Variants in ZNF646 observed in about 807,000 individuals in gnomAD.
ZNF646 encodes zinc finger protein 646.
Under a neutral mutation model 115.4 loss-of-function variants are expected in ZNF646, and 49 were observed. The observed-to-expected ratio is 0.42, with a 90% confidence interval of 0.34 to 0.54. The LOEUF (loss-of-function observed/expected upper bound fraction) is 0.54. Ranked by LOEUF, ZNF646 falls within the 20% of genes least tolerant of loss-of-function variation. The probability of loss-of-function intolerance (pLI) is 0.04; values close to 1 mark genes in which losing one functional copy is unlikely to be tolerated. For synonymous variants in ZNF646, 933 were observed against 939.0 expected (o/e 0.99, Z 0.12); for missense variants, 2,269 against 2,457.9 (o/e 0.92, Z 1.62).
Position 31,076,470 on chromosome 16 carries a change from G to T in ZNF646, c.146G>T (p.Arg49Leu), listed in dbSNP as rs200254650. 3.1e-6 allele frequency: 5 copies of T among 1,613,944 alleles called. No individual in the cohort carries two copies. The highest frequency in any genetic ancestry group is 4.2e-6 in the Non-Finnish European group (5 of 1,179,994). Reference sequence around the variant, plus strand: ...GCTGACAGCATCCCTCGGCCCTACCGTTGTCAGCAGTGTGGGCGGGGCTAC... The same window carrying T: ...GCTGACAGCATCCCTCGGCCCTACCTTTGTCAGCAGTGTGGGCGGGGCTAC... ...EEADSIPRPYRCQQCGRGYRH... is the reference protein window; with the variant it reads ...EEADSIPRPYLCQQCGRGYRH... Residue 49 changes from arginine to leucine, a missense_variant, in exon 2 of 3, where the codon CGT (arginine) becomes CTT (leucine). Coordinates refer to ENST00000300850, the MANE Select transcript of ZNF646 (RefSeq NM_014699.4).
At chr16:31,073,515 G>T (rs868181712), upstream of ZNF646, 1 of 152,080 alleles carries the variant, frequency 6.6e-6, no homozygotes, top group Non-Finnish European at 1.5e-5. Context: ...GCCCGGGGCC[G>T]CTCACAGCCC....
rs781772598 is a variant in ZNF646 at position 31,077,096 on chromosome 16, C to T, written c.772C>T (p.Arg258Cys). ...GCACGCCGGGAGCCTCACCAACCACCGCCAGAGCCACACGCTGGGCATCTA... is the reference window on the plus strand; with the variant it reads ...GCACGCCGGGAGCCTCACCAACCACTGCCAGAGCCACACGCTGGGCATCTA... ...YKHAGSLTNHRQSHTLGIYPC... is the reference protein window; with the variant it reads ...YKHAGSLTNHCQSHTLGIYPC... Residue 258 changes from arginine to cysteine, a missense_variant, in exon 2 of 3, where the codon CGC becomes TGC. Arg to Cys is a radical substitution (Grantham distance 180). This residue lies in a region of ZNF646 where 19 missense variants were observed against 44.9 expected (regional missense o/e 0.42). Transcript: ENST00000300850. The T allele has an allele frequency of 1.7e-5, 28 of 1,614,062 alleles. No homozygotes were observed. The highest frequency in any genetic ancestry group is 1.6e-4 in the Middle Eastern group (1 of 6,084).
At position 31,080,423 on chromosome 16, in the gene ZNF646, G is replaced by A. The variant is rs141578783; in HGVS notation, c.4099G>A (p.Ala1367Thr). 1.1e-3 allele frequency: 1,712 copies of A among 1,613,064 alleles called. 3 individuals carry two copies. Among genetic ancestry groups the A allele is most frequent in the Non-Finnish European group, 1.3e-3 (1,589 of 1,179,940 alleles). The change falls in exon 2 of 3, where the codon GCC (alanine) becomes ACC (threonine). Residue 1367 changes from alanine to threonine, a missense_variant. By Grantham distance (58) the Ala-to-Thr change is moderately conservative. Transcript: ENST00000300850. ...GRSRRTAVRC[A>T]LCGRSFPGRG... ...GTCCAGGCGCACAGCTGTGCGTTGC[G>A]CCCTCTGTGGCCGCAGCTTCCCTGG...
At chr16:31,082,134 G>C (rs1485698658) in intron 2 of ZNF646, 1 of 243,992 alleles carries the variant, frequency 4.1e-6, no homozygotes, top group Non-Finnish European at 8.4e-6. Context: ...CCTGGAGCAG[G>C]CCGGGTGCCA....
chr16:31,076,714 G>C lies in ZNF646; in HGVS notation c.390G>C (p.Arg130Ser). 6.2e-7 allele frequency: 1 copy of C among 1,613,674 alleles called. No individual in the cohort carries two copies. Among genetic ancestry groups the C allele is most frequent in the Non-Finnish European group, 8.5e-7 (1 of 1,180,032 alleles). Residue 130 changes from arginine (R) to serine (S), a missense_variant, in exon 2 of 3, where the codon AGG becomes AGC. Coordinates refer to ENST00000300850, the MANE Select transcript of ZNF646 (RefSeq NM_014699.4). The stretch of plus-strand genomic sequence containing the variant: ...TGTCCACTGACTCCTGGGGCCAAAG[G>C]CTTGGCTCTAGTGAAGGCTGGGAAA... ...ETVSTDSWGQ[R>S]LGSSEGWENQ...
chr16:31,078,508 C>T lies in ZNF646; in HGVS notation c.2184C>T (p.Asp728=), dbSNP rs1028976512. 2 of 1,592,762 alleles carry T rather than the reference C, an allele frequency of 1.3e-6. No individual in the cohort carries two copies. The highest frequency in any genetic ancestry group is 1.7e-6 in the Non-Finnish European group (2 of 1,166,896). ...GAEGNLESDG[D]CLQAESEGDK... ...AAGGCAACCTGGAAAGTGATGGGGACTGTTTGCAGGCTGAATCTGAAGGGG... is the reference window on the plus strand; with the variant it reads ...AAGGCAACCTGGAAAGTGATGGGGATTGTTTGCAGGCTGAATCTGAAGGGG... Residue 728 remains aspartate (D), a synonymous_variant, in exon 2 of 3, where the codon GAC becomes GAT. Transcript: ENST00000300850.
At position 31,077,989 on chromosome 16, in the gene ZNF646, G is replaced by A. The variant is rs1282805440; in HGVS notation, c.1665G>A (p.Val555=). The change falls in exon 2 of 3, where the codon GTG becomes GTA. Residue 555 remains valine (V), a synonymous_variant. Transcript: ENST00000300850. ...CCCCGCACACAGATCAGGACCATGT[G>A]TGCAAACATGAAGAAGAGGCCACGG... ...EAAPHTDQDH[V]CKHEEEATDI... is the part of the protein sequence containing the mutation. The A allele has an allele frequency of 6.2e-7, 1 of 1,614,076 alleles. No homozygotes were observed. Among genetic ancestry groups the A allele is most frequent in the Admixed American group, 1.7e-5 (1 of 60,024 alleles).
At chr16:31,075,119 TAAGAGAGGA>T (rs1209554254) in intron 1 of ZNF646, among the ~76,000 whole-genome samples, 1 of 151,884 alleles carries the variant, frequency 6.6e-6, no homozygotes, top group Non-Finnish European at 1.5e-5. Context: ...TCATCAGTAT[TAAGAGAGGA>T]GGCAGAAGAA....
In ZNF646 at chr16:31,083,812, G is replaced by A. The variant is rs1177457315; in HGVS notation, c.*720G>A. On this transcript the variant is annotated 3_prime_UTR_variant, in exon 3 of 3. Coordinates refer to ENST00000300850, the MANE Select transcript of ZNF646 (RefSeq NM_014699.4). ...CTGTCAGCAGCTGGTTGGTTGGCCTGTGGGGAAGGAAGGAGGGTGGAGTTG... is the reference window on the plus strand; with the variant it reads ...CTGTCAGCAGCTGGTTGGTTGGCCTATGGGGAAGGAAGGAGGGTGGAGTTG... 1.2e-6 allele frequency: 2 copies of A among 1,614,032 alleles called. No homozygotes were observed. Among genetic ancestry groups the A allele is most frequent in the South Asian group, 1.1e-5 (1 of 91,080 alleles).
At chr16:31,073,899 G>A (rs552113697), upstream of ZNF646, 1 of 152,366 alleles carries the variant, frequency 6.6e-6, no homozygotes, top group South Asian at 2.1e-4. Context: ...GTGTGCTGAG[G>A]CAAGGGGACG....
upstream of ZNF646, chr16:31,074,407 C>A (rs547520562): frequency 6.6e-6 from 1 of 152,406 alleles, no homozygotes; most frequent in East Asian, 1.9e-4. Flanking sequence ...CACCTAAGGA[C>A]ACTTCCTGTT....
In ZNF646 at chr16:31,077,301, A is replaced by G. The variant is rs2057090283; in HGVS notation, c.977A>G (p.Glu326Gly). The G allele has an allele frequency of 6.2e-7, 1 of 1,613,742 alleles. No homozygotes were observed. Among genetic ancestry groups the G allele is most frequent in the Non-Finnish European group, 8.5e-7 (1 of 1,179,928 alleles). Residue 326 changes from glutamate to glycine, a missense_variant, in exon 2 of 3, where the codon GAG (glutamate) becomes GGG (glycine). Glu to Gly is a moderately conservative substitution (Grantham distance 98). Around this residue, in one of 5 missense-constraint regions of ZNF646, gnomAD observed 852 missense variants for 900.2 expected, o/e 0.95. Coordinates refer to ENST00000300850, the MANE Select transcript of ZNF646 (RefSeq NM_014699.4). ...GGTGAAAGGCAGGAGCCACGCTGGG[A>G]GGAGAAAGGGATGCCCACCACCAAT... is the stretch of plus-strand genomic sequence containing the variant. ...HEGERQEPRW[E>G]EKGMPTTNGH...
rs746754247 is a variant in ZNF646, at chr16:31,081,626, C to T, written c.5302C>T (p.Arg1768Cys). 2.4e-5 allele frequency: 38 copies of T among 1,608,568 alleles called. No individual in the cohort carries two copies. The highest frequency in any genetic ancestry group is 6.6e-5 in the South Asian group (6 of 90,760). ...EGPFTCPHCPRHFRRRISFVQ... is the reference protein window; with the variant it reads ...EGPFTCPHCPCHFRRRISFVQ... ...GCCTTTCACCTGCCCCCATTGTCCC[C>T]GCCACTTCCGCCGCCGAATCAGCTT... The change falls in exon 2 of 3, where the codon CGC (arginine) becomes TGC (cysteine). Residue 1768 changes from arginine to cysteine, a missense_variant. By Grantham distance (180) the Arg-to-Cys change is radical (BLOSUM62 -3). Coordinates refer to ENST00000300850, the MANE Select transcript of ZNF646 (RefSeq NM_014699.4).
chr16:31,080,528 G>A lies in ZNF646; in HGVS notation c.4204G>A (p.Gly1402Ser), dbSNP rs2057142418. Residue 1402 changes from glycine to serine, a missense_variant, in exon 2 of 3, where the codon GGC becomes AGC. Physicochemically the swap from Gly to Ser is moderately conservative, Grantham distance 56. Transcript: ENST00000300850. ...EPANGQGGLD[G>S]TAASEANLTG... is the part of the protein sequence containing the mutation. Reference sequence around the variant, plus strand: ...AGCCAATGGCCAGGGAGGCCTGGATGGCACAGCGGCCAGTGAGGCGAACCT... The same window carrying A: ...AGCCAATGGCCAGGGAGGCCTGGATAGCACAGCGGCCAGTGAGGCGAACCT... 5 of 1,613,932 alleles carry A rather than the reference G, an allele frequency of 3.1e-6. No homozygotes were observed. In the East Asian group the frequency reaches 1.1e-4, roughly 36 times the overall value.
rs771681778 is a variant in ZNF646 at position 31,076,560 on chromosome 16, C to A, written c.236C>A (p.Thr79Asn). Residue 79 changes from threonine to asparagine, a missense_variant, in exon 2 of 3, where the codon ACC becomes AAC. Physicochemically the swap from Thr to Asn is moderately conservative, Grantham distance 65 (BLOSUM62 0). Coordinates refer to ENST00000300850, the MANE Select transcript of ZNF646 (RefSeq NM_014699.4). ...THETGLFPCTTCGKDFSNPMA... is the reference protein window; with the variant it reads ...THETGLFPCTNCGKDFSNPMA... ...GAGACTGGCCTTTTCCCCTGTACCA[C>A]CTGTGGCAAGGACTTCTCCAATCCC... The A allele has an allele frequency of 6.2e-7, 1 of 1,612,278 alleles. No individual in the cohort carries two copies. Among genetic ancestry groups the A allele is most frequent in the South Asian group, 1.1e-5 (1 of 91,034 alleles).
chr16:31,080,568 G>A lies in ZNF646; in HGVS notation c.4244G>A (p.Gly1415Glu). The change falls in exon 2 of 3, where the codon GGA becomes GAA. Residue 1415 changes from glycine to glutamate, a missense_variant. By Grantham distance (98) the Gly-to-Glu change is moderately conservative (BLOSUM62 -2). Transcript: ENST00000300850. ...ASEANLTGSQ[G>E]LETQLGGAEP... ...GAGGCGAACCTGACTGGCAGCCAGG[G>A]ACTAGAGACCCAATTGGGTGGTGCT... 6.2e-7 allele frequency: 1 copy of A among 1,614,116 alleles called. No homozygotes were observed. The highest frequency in any genetic ancestry group is 8.5e-7 in the Non-Finnish European group (1 of 1,180,036).
intron 1 of ZNF646, chr16:31,076,017 C>T (rs968121900): frequency 6.2e-6 from 2 of 325,176 alleles, no homozygotes; most frequent in Non-Finnish European, 1.1e-5. Context: ...ATTTCCTTAG[C>T]TATACCTGTA....
At position 31,080,176 on chromosome 16, in the gene ZNF646, T is replaced by C; in HGVS notation, c.3852T>C (p.Arg1284=). 1 of 1,610,290 alleles carries C rather than the reference T, an allele frequency of 6.2e-7. No homozygotes were observed. The change falls in exon 2 of 3, where the codon CGT becomes CGC. Residue 1284 remains arginine, a synonymous_variant. Transcript: ENST00000300850. The stretch of plus-strand genomic sequence containing the variant: ...ACCAGCGGGTCCACATGGAACGGCG[T>C]GGGGGTGGGGGCACCCGAAAGGCGA... ...ASHQRVHMER[R]GGGGTRKATR... is the part of the protein sequence containing the mutation.
chr16:31,080,965 G>C lies in ZNF646; in HGVS notation c.4641G>C (p.Leu1547Phe). The C allele has an allele frequency of 6.2e-7, 1 of 1,614,126 alleles. No homozygotes were observed. The change falls in exon 2 of 3, where the codon TTG becomes TTC. Residue 1547 changes from leucine (L) to phenylalanine (F), a missense_variant. Coordinates refer to ENST00000300850, the MANE Select transcript of ZNF646 (RefSeq NM_014699.4). ...GKTYCQSGSL[L>F]NHNTNKTDRH... is the part of the protein sequence containing the mutation. ...CTTACTGCCAGTCAGGCAGCCTCTT[G>C]AACCACAACACCAACAAGACAGACC... is the stretch of plus-strand genomic sequence containing the variant.
Sources: gnomAD v4.1 joint callset for allele counts (sites outside exome capture counted in the v4.1 genomes callset) on GRCh38, gnomAD v4.1.1 for gene constraint, gnomAD v4.1.1 regional missense constraint, MANE v1.5 for transcripts, NCBI Gene and HGNC (gene_info 2026-07-23, HGNC 2026-07-21) for gene names.